The following ATAD2 variants were observed in gnomAD, a reference collection of about 807,000 sequenced individuals.
The protein encoded by ATAD2 is ATPase family AAA domain containing 2.
A neutral mutation model predicts 168.9 loss-of-function variants in ATAD2; 62 were observed. The ratio of observed to expected loss-of-function variants is 0.37; its 90% CI spans 0.30 to 0.45. The LOEUF (loss-of-function observed/expected upper bound fraction) is 0.45. Among genes scored for constraint, ATAD2 ranks in the 20% least tolerant of loss-of-function variants. ATAD2 has a pLI of 1.00. For missense variants in ATAD2, 1,419 were observed against 1,667.8 expected (o/e 0.85, Z 2.60); for synonymous variants, 613 against 571.6 (o/e 1.07, Z -1.03).
At chr8:123,393,619 A>G (rs1244003435) in intron 1 of ATAD2, among the ~76,000 whole-genome samples, 1 of 152,148 alleles carries the variant, frequency 6.6e-6, no homozygotes, top group Non-Finnish European at 1.5e-5. Flanking sequence ...AGAATCTATT[A>G]TAATCCAGGA....
chr8:123,330,139 C>T (rs1404158824), intron 24 of ATAD2, among the ~76,000 whole-genome samples: 1 of 151,878 alleles, frequency 6.6e-6, no homozygotes, highest in African/African-American at 2.4e-5. Flanking sequence ...CAAATGTGTG[C>T]CACCATGCCT....
chr8:123,379,206 TG>T (rs776936150), intron 2 of ATAD2, among the ~76,000 whole-genome samples: 3 of 152,168 alleles, frequency 2.0e-5, no homozygotes, highest in Non-Finnish European at 2.9e-5. Context: ...CCATTAAAAT[TG>T]ATTTCTTGAG....
intron 1 of ATAD2, among the ~76,000 whole-genome samples, chr8:123,385,934 A>G (rs1829636013): frequency 6.6e-6 from 1 of 152,108 alleles, no homozygotes; most frequent in African/African-American, 2.4e-5. Flanking sequence ...AAACACATGA[A>G]AAGATGCTCA....
intron 21 of ATAD2, among the ~76,000 whole-genome samples, chr8:123,336,829 G>C (rs574808948): frequency 1.3e-5 from 2 of 152,100 alleles, no homozygotes; most frequent in South Asian, 4.2e-4. Flanking sequence ...AGCAACTTAA[G>C]ACGTGGCTCT....
rs757570651 is a variant in ATAD2, at chr8:123,325,964, T to C, written c.3931A>G (p.Thr1311Ala). 4.3e-6 allele frequency: 7 copies of C among 1,614,070 alleles called. No homozygotes were observed. The highest frequency in any genetic ancestry group is 4.2e-6 in the Non-Finnish European group (5 of 1,179,954). Residue 1311 changes from threonine (T) to alanine (A), a missense_variant, in exon 26 of 28, where the codon ACT becomes GCT. Physicochemically the swap from Thr to Ala is moderately conservative, Grantham distance 58. Transcript: ENST00000287394. ...AGAATTGCCAAAGCCTTTTCAACAGTGATGAGCTGCTGCTGTTCTACCTGG... is the reference window on the plus strand; with the variant it reads ...AGAATTGCCAAAGCCTTTTCAACAGCGATGAGCTGCTGCTGTTCTACCTGG... Reference protein sequence around the residue: ...RSQVEQQQLITVEKALAILSQ... With the variant: ...RSQVEQQQLIAVEKALAILSQ...
Position 123,351,904 on chromosome 8 carries a change from T to C in ATAD2, c.1647-2460A>G, listed in dbSNP as rs536006532. Among the ~76,000 whole-genome samples, 17 of 152,188 alleles carry C rather than the reference T, an allele frequency of 1.1e-4. No individual in the cohort carries two copies. In the East Asian group the frequency reaches 2.1e-3, roughly 19 times the overall value. ...CTGGGACTACAGGCACCTGCCACCA[T>C]GCCTGGCTAATATTTTTGTATTTTT... On this transcript the variant is annotated intron_variant, in intron 13 of 27. Transcript: ENST00000287394.
Position 123,345,006 on chromosome 8 carries a change from A to G in ATAD2, c.2596T>C (p.Trp866Arg). The G allele has an allele frequency of 6.2e-7, 1 of 1,614,002 alleles. No homozygotes were observed. The highest frequency in any genetic ancestry group is 8.5e-7 in the Non-Finnish European group (1 of 1,179,926). Residue 866 changes from tryptophan to arginine, a missense_variant, in exon 19 of 28, where the codon TGG becomes CGG. Transcript: ENST00000287394. The stretch of plus-strand genomic sequence containing the variant: ...TTAAGTGTCGGTCCAACTATTTCCC[A>G]CCACACGTGGATATGAGGAACATAC... ...IVYVPHIHVWWEIVGPTLKAT... is the reference protein window; with the variant it reads ...IVYVPHIHVWREIVGPTLKAT...
chr8:123,321,221 T>C (rs1295268856), intron 27 of ATAD2, 46 bp from the exon 28 acceptor site: 1 of 1,488,208 alleles, frequency 6.7e-7, no homozygotes, highest in East Asian at 2.3e-5. Flanking sequence ...CAATATGGAA[T>C]AAGCTAAAGA....
chr8:123,388,168 C>T (rs184987927), intron 1 of ATAD2, among the ~76,000 whole-genome samples: 12 of 152,282 alleles, frequency 7.9e-5, no homozygotes. Flanking sequence ...TTCTCTACCT[C>T]ACTGAATTCT....
chr8:123,400,481 G>C (rs1038815853), upstream of ATAD2: 4 of 374,576 alleles, frequency 1.1e-5, no homozygotes, highest in Non-Finnish European at 2.1e-5. This position sits in a 1 kb window ranked among gnomAD's most constrained non-coding sequence, Gnocchi z 4.5. Flanking sequence ...ACCATTCGGG[G>C]GAACATAGTG....
At position 123,347,402 on chromosome 8, in the gene ATAD2, G is replaced by A; in HGVS notation, c.1902C>T (p.Tyr634=). 1 of 1,604,658 alleles carries A rather than the reference G, an allele frequency of 6.2e-7. No individual in the cohort carries two copies. The highest frequency in any genetic ancestry group is 8.5e-7 in the Non-Finnish European group (1 of 1,175,046). The change falls in exon 16 of 28, where the codon TAC becomes TAT. Residue 634 remains tyrosine (Y), a synonymous_variant. Coordinates refer to ENST00000287394, the MANE Select transcript of ATAD2 (RefSeq NM_014109.4). ...LEELAENCVG[Y]CGADIKSICA... is the part of the protein sequence containing the mutation. The stretch of plus-strand genomic sequence containing the variant: ...ATATTGATTTAATATCTGCTCCACA[G>A]TATCCTATCCAAAGCAACCAGGGGA...
chr8:123,374,797 C>T (rs916585898), intron 2 of ATAD2, among the ~76,000 whole-genome samples: 2 of 152,162 alleles, frequency 1.3e-5, no homozygotes, highest in African/African-American at 2.4e-5. Flanking sequence ...ATGAAAGCTA[C>T]GGTATACGCA....
chr8:123,394,613 TGA>T (rs1281570419), intron 1 of ATAD2, among the ~76,000 whole-genome samples: 4 of 152,000 alleles, frequency 2.6e-5, no homozygotes, highest in East Asian at 1.9e-4. Flanking sequence ...CCAGCCTGGA[TGA>T]GAGAGTGAGA....
In ATAD2 at chr8:123,347,078, A is replaced by G. The variant is rs1352791544; in HGVS notation, c.2212+14T>C. On this transcript the variant is annotated intron_variant, in intron 16 of 27. Coordinates refer to ENST00000287394, the MANE Select transcript of ATAD2 (RefSeq NM_014109.4). The stretch of plus-strand genomic sequence containing the variant: ...TATAAAAACTAACTTTAAATGGTCA[A>G]TCAAGTTTTATACCTGAGTCTAATG... 1 of 1,586,598 alleles carries G rather than the reference A, an allele frequency of 6.3e-7. No individual in the cohort carries two copies. Among genetic ancestry groups the G allele is most frequent in the Non-Finnish European group, 8.6e-7 (1 of 1,164,634 alleles).
At position 123,402,040 on chromosome 8, in the gene ATAD2, G is replaced by C; in HGVS notation, c.-2281-865C>G. The C allele has an allele frequency of 6.6e-7, 1 of 1,508,290 alleles. No individual in the cohort carries two copies. Among genetic ancestry groups the C allele is most frequent in the South Asian group, 1.1e-5 (1 of 88,778 alleles). The allele number at this position is 1,508,290 out of a possible 1,614,324, so 93.4% of individuals were successfully genotyped here. On this transcript the variant is annotated intron_variant, in intron 1 of 28. Transcript: ENST00000521903. This position sits in a 1 kb window ranked among gnomAD's most constrained non-coding sequence, Gnocchi z 4.8. ...ACTCAGGAGAGCTCAAGTTTGAGAA[G>C]CGTACCATGTCGGCCCAGATTGAGG...
intron 20 of ATAD2, among the ~76,000 whole-genome samples, 175 bp downstream of exon 20, chr8:123,339,136 C>T (rs1212433858): frequency 2.0e-5 from 3 of 152,026 alleles, no homozygotes; most frequent in South Asian, 2.1e-4. Flanking sequence ...ACTTTGTGTA[C>T]CTTAAGAACT....
chr8:123,414,483 G>A (rs575018577), intron 1 of ATAD2, among the ~76,000 whole-genome samples: 25 of 152,294 alleles, frequency 1.6e-4, no homozygotes, highest in Admixed American at 9.2e-4. Context: ...TGTTAGCTGC[G>A]CACGGTGGTG....
chr8:123,384,057 G>T (rs1233718040), intron 1 of ATAD2, among the ~76,000 whole-genome samples: 1 of 150,724 alleles, frequency 6.6e-6, no homozygotes, highest in Non-Finnish European at 1.5e-5. Context: ...CTGCAGCCTG[G>T]TGACAGAGCG....
intron 1 of ATAD2, chr8:123,401,813 C>T: frequency 2.6e-6 from 2 of 756,544 alleles, no homozygotes; most frequent in Non-Finnish European, 4.9e-6. Flanking sequence ...CACAGGCTTG[C>T]TGGATGCCAT....
Sources: gnomAD v4.1 joint callset for allele counts (sites outside exome capture counted in the v4.1 genomes callset) on GRCh38, gnomAD v4.1.1 for gene constraint, Gnocchi (gnomAD v3.1) non-coding constraint, MANE v1.5 for transcripts, NCBI Gene and HGNC (gene_info 2026-07-23, HGNC 2026-07-21) for gene names.